The following PICALM variants were observed in gnomAD, a reference collection of about 807,000 sequenced individuals.
The protein encoded by PICALM is phosphatidylinositol binding clathrin assembly protein.
A neutral mutation model predicts 80.5 loss-of-function variants in PICALM; 40 were observed. That is an observed-to-expected ratio of 0.50 (90% CI 0.39 to 0.65). The LOEUF is 0.65. Among genes scored for constraint, PICALM ranks in the 30% least tolerant of loss-of-function variants. The probability of loss-of-function intolerance (pLI) is 0.00; values close to 1 mark genes in which losing one functional copy is unlikely to be tolerated. For missense variants in PICALM, 676 were observed against 778.9 expected, an observed-to-expected ratio of 0.87 and a Z score of 1.57; for synonymous variants, 288 against 260.3, an observed-to-expected ratio of 1.11 and a Z score of -1.02.
intron 19 of PICALM, among the ~76,000 whole-genome samples, chr11:85,970,143 T>C (rs759179825): frequency 3.9e-5 from 6 of 152,202 alleles, no homozygotes; most frequent in Non-Finnish European, 8.8e-5. Flanking sequence ...CCAGAGAAGC[T>C]TGCCTTCATG....
intron 12 of PICALM, among the ~76,000 whole-genome samples, chr11:85,995,571 A>G (rs1409203155): frequency 6.6e-6 from 1 of 152,190 alleles, no homozygotes; most frequent in Non-Finnish European, 1.5e-5. Flanking sequence ...AATGTTTAAT[A>G]TATTTTTATT....
At chr11:86,063,149 T>G (rs2096394431) in intron 1 of PICALM, among the ~76,000 whole-genome samples, 1 of 152,210 alleles carries the variant, frequency 6.6e-6, no homozygotes, top group South Asian at 2.1e-4. Context: ...AAACAAATAT[T>G]TTTAAATGAA....
At chr11:85,990,549 TA>T in intron 12 of PICALM, 150 bp from the exon 13 acceptor site, 1 of 411,624 alleles carries the variant, frequency 2.4e-6, no homozygotes, top group Non-Finnish European at 4.2e-6. Flanking sequence ...AAAAAATACC[TA>T]ATCATCAAGA....
chr11:86,036,696 C>G (rs1435041575), intron 1 of PICALM, among the ~76,000 whole-genome samples: 1 of 151,982 alleles, frequency 6.6e-6, no homozygotes. Flanking sequence ...TACTATGAGG[C>G]CAACGAATGC....
intron 1 of PICALM, among the ~76,000 whole-genome samples, chr11:86,046,127 G>A (rs1047468908): frequency 1.3e-5 from 2 of 152,100 alleles, no homozygotes; most frequent in Admixed American, 1.3e-4. Flanking sequence ...TCTGTCCTAA[G>A]AGCTATTCAT....
chr11:85,996,983 T>C, intron 11 of PICALM, 54 bp from the exon 12 acceptor site: 2 of 1,016,900 alleles, frequency 2.0e-6, no homozygotes, highest in Non-Finnish European at 3.1e-6. Flanking sequence ...TTTGCTACTT[T>C]AGTGTCACCT....
At chr11:85,963,236 G>C (rs539461647) in intron 19 of PICALM, among the ~76,000 whole-genome samples, 48 of 151,828 alleles carry the variant, frequency 3.2e-4, no homozygotes, top group Admixed American at 2.6e-3. Flanking sequence ...TTCACATAAA[G>C]CACAAAATCA....
At chr11:85,985,514 A>G (rs1175142619) in intron 13 of PICALM, among the ~76,000 whole-genome samples, 2 of 152,222 alleles carry the variant, frequency 1.3e-5, no homozygotes, top group African/African-American at 4.8e-5. Context: ...CAATGAGAAC[A>G]CAAAACACTA....
At chr11:86,054,078 A>G (rs2137432099) in intron 1 of PICALM, among the ~76,000 whole-genome samples, 1 of 152,330 alleles carries the variant, frequency 6.6e-6, no homozygotes, top group South Asian at 2.1e-4. Context: ...TTGGAACTCA[A>G]TAAAAGCTCA....
At position 86,012,404 on chromosome 11, in the gene PICALM, T is replaced by A. The variant is rs748704305; in HGVS notation, c.547-12A>T. 2 of 1,482,654 alleles carry A rather than the reference T, an allele frequency of 1.3e-6. No homozygotes were observed. Among genetic ancestry groups the A allele is most frequent in the African/African-American group, 2.8e-5 (2 of 72,256 alleles). The allele number at this position is 1,482,654 out of a possible 1,614,324, so 91.8% of individuals were successfully genotyped here. The stretch of plus-strand genomic sequence containing the variant: ...TCATTGCTATTAACCTAGGGAAAAA[T>A]TGGAAAATAAAATTAGCTAATCTTA... On this transcript the variant is annotated splice_polypyrimidine_tract_variant and intron_variant, in intron 5 of 19. Transcript: ENST00000393346.
chr11:86,043,360 T>A (rs577508539), intron 1 of PICALM, among the ~76,000 whole-genome samples: 2 of 152,320 alleles, frequency 1.3e-5, no homozygotes, highest in South Asian at 2.1e-4. Flanking sequence ...GGGAAACTCA[T>A]CTAATTTCTT....
intron 1 of PICALM, among the ~76,000 whole-genome samples, chr11:86,045,171 T>C (rs111264715): frequency 6.6e-6 from 1 of 152,180 alleles, no homozygotes; most frequent in African/African-American, 2.4e-5. Context: ...ATAAAGCCAT[T>C]AATAAATCAC....
At chr11:86,036,256 G>A (rs1234110814) in intron 1 of PICALM, among the ~76,000 whole-genome samples, 1 of 152,144 alleles carries the variant, frequency 6.6e-6, no homozygotes, top group Admixed American at 6.5e-5. Flanking sequence ...CTAGTCGTAA[G>A]TGTCAATGTC....
chr11:86,068,199 A>T (rs2096473410), intron 1 of PICALM, among the ~76,000 whole-genome samples: 1 of 152,194 alleles, frequency 6.6e-6, no homozygotes, highest in African/African-American at 2.4e-5. Flanking sequence ...ATCTGGATGC[A>T]AGGAACCAGG....
chr11:85,959,729 G>A (rs561043955), intron 19 of PICALM, among the ~76,000 whole-genome samples: 3 of 148,770 alleles, frequency 2.0e-5, no homozygotes, highest in South Asian at 2.2e-4. Context: ...GCAGACAGTC[G>A]CCACCACACC....
chr11:86,039,110 C>A (rs374267235), intron 1 of PICALM, among the ~76,000 whole-genome samples: 52 of 144,834 alleles, frequency 3.6e-4, no homozygotes, highest in African/African-American at 3.8e-4. Flanking sequence ...GACTCTATCT[C>A]AAAAAAAAAA....
At chr11:86,054,903 C>T (rs2096246149) in intron 1 of PICALM, among the ~76,000 whole-genome samples, 1 of 152,130 alleles carries the variant, frequency 6.6e-6, no homozygotes, top group South Asian at 2.1e-4. Context: ...TCCCAAAGTG[C>T]TGGGATTACA....
chr11:86,028,458 C>A (rs1207179951), intron 2 of PICALM, among the ~76,000 whole-genome samples: 1 of 152,168 alleles, frequency 6.6e-6, no homozygotes, highest in Non-Finnish European at 1.5e-5. Flanking sequence ...GTATTAAATA[C>A]TTTATAATAA....
intron 12 of PICALM, among the ~76,000 whole-genome samples, chr11:85,995,266 A>G (rs903730231): frequency 6.6e-6 from 1 of 152,202 alleles, no homozygotes; most frequent in African/African-American, 2.4e-5. Context: ...TATGGGGGAA[A>G]TTTTTACAGA....
Sources: gnomAD v4.1 joint callset for allele counts (sites outside exome capture counted in the v4.1 genomes callset) on GRCh38, gnomAD v4.1.1 for gene constraint, MANE v1.5 for transcripts, NCBI Gene and HGNC (gene_info 2026-07-23, HGNC 2026-07-21) for gene names.